The following CHCHD6 variants were observed in gnomAD, a reference collection of about 807,000 sequenced individuals.
CHCHD6 encodes the protein MICOS complex subunit MIC25.
CHCHD6 carries 28 observed loss-of-function variants against 32.3 expected under a neutral mutation model. The ratio of observed to expected loss-of-function variants is 0.87; its 90% CI spans 0.64 to 1.19. The LOEUF (loss-of-function observed/expected upper bound fraction) is 1.19, where lower values mean the gene tolerates loss of function less well. CHCHD6 is among the 50% of genes most tolerant of loss of function. The pLI, the probability that CHCHD6 is intolerant of heterozygous loss-of-function variation, is 0.00. For missense variants in CHCHD6, 333 were observed against 307.0 expected (o/e 1.08, Z -0.63); for synonymous variants, 122 against 117.5 (o/e 1.04, Z -0.25).
chr3:126,714,343 G>T (rs80325181), intron 1 of CHCHD6, among the ~76,000 whole-genome samples: 3 of 152,044 alleles, frequency 2.0e-5, no homozygotes, highest in East Asian at 1.9e-4. Flanking sequence ...GTGGGCATTT[G>T]TGTGTGCCAT....
intron 5 of CHCHD6, among the ~76,000 whole-genome samples, chr3:126,905,054 G>A (rs2107585079): frequency 6.6e-6 from 1 of 152,312 alleles, no homozygotes; most frequent in South Asian, 2.1e-4. Flanking sequence ...TTAGGCTAGA[G>A]GTGATGAGGG....
chr3:126,808,617 T>C (rs1939519437), intron 4 of CHCHD6, among the ~76,000 whole-genome samples: 1 of 152,230 alleles, frequency 6.6e-6, no homozygotes, highest in Non-Finnish European at 1.5e-5. Flanking sequence ...GTCCTGGGAA[T>C]TTAACCATGT....
At chr3:126,725,120 C>T (rs1935474914) in intron 1 of CHCHD6, among the ~76,000 whole-genome samples, 1 of 152,180 alleles carries the variant, frequency 6.6e-6, no homozygotes, top group African/African-American at 2.4e-5. Flanking sequence ...CCTTGGAGTT[C>T]TCAGTTTACT....
chr3:126,952,162 C>T (rs181711221), intron 6 of CHCHD6, among the ~76,000 whole-genome samples: 10 of 152,194 alleles, frequency 6.6e-5, no homozygotes, highest in Admixed American at 4.6e-4. Flanking sequence ...TAGAGAGGAC[C>T]GTTGGGAGGC....
chr3:126,784,813 A>G (rs1044229665), intron 4 of CHCHD6, among the ~76,000 whole-genome samples: 1 of 151,874 alleles, frequency 6.6e-6, no homozygotes, highest in Non-Finnish European at 1.5e-5. Context: ...TGTGATCCTC[A>G]CTGGATTTTG....
chr3:126,718,677 T>A (rs913169059), intron 1 of CHCHD6, among the ~76,000 whole-genome samples: 1 of 152,180 alleles, frequency 6.6e-6, no homozygotes, highest in African/African-American at 2.4e-5. Flanking sequence ...CCTCCTCCCC[T>A]GTACTGCTCT....
chr3:126,945,567 G>A (rs2078624107), intron 6 of CHCHD6, among the ~76,000 whole-genome samples: 1 of 145,938 alleles, frequency 6.9e-6, no homozygotes, highest in African/African-American at 2.6e-5. Flanking sequence ...CTCAGTGTAG[G>A]GGAGACTCGG....
chr3:126,901,244 C>T (rs576153744), intron 5 of CHCHD6, among the ~76,000 whole-genome samples: 4 of 152,278 alleles, frequency 2.6e-5, no homozygotes, highest in East Asian at 1.9e-4. Context: ...CCTACATGGT[C>T]GGCTTCACCC....
At chr3:126,956,893 G>A (rs532356778) in intron 6 of CHCHD6, 4 of 154,872 alleles carry the variant, frequency 2.6e-5, no homozygotes, top group Non-Finnish European at 5.7e-5. Flanking sequence ...CTTATTGCAC[G>A]CATATTAGTT....
intron 4 of CHCHD6, among the ~76,000 whole-genome samples, chr3:126,748,186 G>C (rs1936582408): frequency 1.3e-5 from 2 of 152,126 alleles, no homozygotes; most frequent in African/African-American, 4.8e-5. Flanking sequence ...TTCCCAAGCA[G>C]CTACTCTGGT....
chr3:126,755,837 CAT>C lies in CHCHD6; in HGVS notation c.411+22616_411+22617del, dbSNP rs1491398107. On this transcript the variant is annotated intron_variant, in intron 4 of 7. Transcript: ENST00000290913. Reference sequence around the variant, plus strand: ...ATGTGTGTGTGTACATCTGTGTGTGCATGTGTGTGTGTGTGTGTGTGTGTGTG... The same window carrying C: ...ATGTGTGTGTGTACATCTGTGTGTGCGTGTGTGTGTGTGTGTGTGTGTGTG... Among the ~76,000 whole-genome samples, 17 of 128,854 alleles carry C rather than the reference CAT, an allele frequency of 1.3e-4. No homozygotes were observed. The East Asian group carries it at 1.5e-3, about 12-fold the overall frequency. The allele number at this position is 128,854 out of a possible 152,430, so 84.5% of individuals were successfully genotyped here.
chr3:126,811,554 T>C (rs1381355166), intron 4 of CHCHD6, among the ~76,000 whole-genome samples: 1 of 152,092 alleles, frequency 6.6e-6, no homozygotes, highest in Non-Finnish European at 1.5e-5. Context: ...TGGCCACTTT[T>C]CCATTTTTTT....
At chr3:126,861,016 A>G (rs1312392860) in intron 5 of CHCHD6, among the ~76,000 whole-genome samples, 1 of 152,160 alleles carries the variant, frequency 6.6e-6, no homozygotes, top group Non-Finnish European at 1.5e-5. Context: ...GGCCTTATAG[A>G]GATGATGAAG....
At chr3:126,922,742 C>G (rs1467843974) in intron 6 of CHCHD6, among the ~76,000 whole-genome samples, 1 of 151,902 alleles carries the variant, frequency 6.6e-6, no homozygotes, top group African/African-American at 2.4e-5. Context: ...TGTACACGTG[C>G]TTGTTTCCTA....
At chr3:126,958,319 C>T (rs1387552427) in intron 7 of CHCHD6, among the ~76,000 whole-genome samples, 1 of 152,168 alleles carries the variant, frequency 6.6e-6, no homozygotes, top group Non-Finnish European at 1.5e-5. Flanking sequence ...ACTCTCAGAA[C>T]ACCTAGTTTG....
chr3:126,957,602 A>G (rs954734487), intron 7 of CHCHD6, 51 bp downstream of exon 7: 2 of 1,539,876 alleles, frequency 1.3e-6, no homozygotes. Context: ...GAGGTAGGCG[A>G]GGTACCTCTA....
chr3:126,846,579 A>T (rs1481145638), intron 4 of CHCHD6, among the ~76,000 whole-genome samples: 1 of 152,266 alleles, frequency 6.6e-6, no homozygotes, highest in Non-Finnish European at 1.5e-5. Flanking sequence ...CTCATCATCT[A>T]CAAGGAATCC....
chr3:126,855,575 G>A (rs112146333), intron 5 of CHCHD6, among the ~76,000 whole-genome samples: 9 of 152,118 alleles, frequency 5.9e-5, no homozygotes, highest in Non-Finnish European at 1.0e-4. Flanking sequence ...ATCATTAAAG[G>A]TGGCCTGACC....
At chr3:126,933,715 C>A (rs2078438118) in intron 6 of CHCHD6, among the ~76,000 whole-genome samples, 1 of 152,238 alleles carries the variant, frequency 6.6e-6, no homozygotes, top group South Asian at 2.1e-4. Flanking sequence ...ACCTCCAACA[C>A]TGGGGAGTCA....
Sources: allele counts gnomAD v4.1 joint callset (sites outside exome capture counted in the v4.1 genomes callset), GRCh38; gene constraint gnomAD v4.1.1; transcripts MANE v1.5; gene names NCBI Gene and HGNC (gene_info 2026-07-23, HGNC 2026-07-21).